The following EPB41 variants were observed in gnomAD, a reference collection of about 807,000 sequenced individuals.
EPB41 encodes protein 4.1.
EPB41 carries 65 observed loss-of-function variants against 108.0 expected under a neutral mutation model. That is an observed-to-expected ratio of 0.60 (90% CI 0.49 to 0.74). The LOEUF is 0.74. Ranked by LOEUF, EPB41 falls within the 30% of genes least tolerant of loss-of-function variation. EPB41 has a pLI of 0.00. For missense variants in EPB41, 875 were observed against 1,037.0 expected, an observed-to-expected ratio of 0.84 and a Z score of 2.15; for synonymous variants, 336 against 358.9, an observed-to-expected ratio of 0.94 and a Z score of 0.72.
At chr1:29,111,735 T>C (rs1574079786) in intron 18 of EPB41, among the ~76,000 whole-genome samples, 2 of 152,248 alleles carry the variant, frequency 1.3e-5, no homozygotes, top group East Asian at 3.9e-4. Flanking sequence ...TCCAAGCACT[T>C]TGGGAGGCTG....
Position 29,053,276 on chromosome 1 carries a change from T to C in EPB41, c.1809T>C (p.Pro603=). ...KAEVKKEDEP[P]EQAEPEPTEA... The stretch of plus-strand genomic sequence containing the variant: ...AAGTGAAAAAGGAAGACGAGCCACC[T>C]GAGCAAGCTGAGCCAGAGCCCACAG... The change falls in exon 12 of 21, where the codon CCT becomes CCC. Residue 603 remains proline (P), a synonymous_variant. Transcript: ENST00000343067. The C allele has an allele frequency of 6.2e-7, 1 of 1,614,178 alleles. No individual in the cohort carries two copies. Among genetic ancestry groups the C allele is most frequent in the Non-Finnish European group, 8.5e-7 (1 of 1,180,038 alleles).
intron 1 of EPB41, among the ~76,000 whole-genome samples, chr1:28,888,958 T>G (rs1021824464): frequency 4.2e-4 from 64 of 152,186 alleles, no homozygotes; most frequent in African/African-American, 1.5e-3. Flanking sequence ...AGGAGAAACT[T>G]TGCGCAAGGA....
chr1:28,919,022 G>T (rs1039829010), intron 1 of EPB41, among the ~76,000 whole-genome samples: 2 of 151,896 alleles, frequency 1.3e-5, no homozygotes, highest in African/African-American at 4.8e-5. Flanking sequence ...TACATAGAAA[G>T]ATAAAGAAGA....
At position 29,046,379 on chromosome 1, in the gene EPB41, G is replaced by A. The variant is rs566578344; in HGVS notation, c.1637-6725G>A. On this transcript the variant is annotated intron_variant, in intron 11 of 20. Transcript: ENST00000343067. ...CCTGACCTCGTGATCCACCCACCTC[G>A]GCCTCCCAAAGTGCTGGGATTACAA... Among the ~76,000 whole-genome samples the A allele has an allele frequency of 5.3e-5, 8 of 151,940 alleles. No homozygotes were observed. In the South Asian group the frequency reaches 8.3e-4, roughly 16 times the overall value.
chr1:28,961,914 G>A lies in EPB41; in HGVS notation c.-7-25517G>A, dbSNP rs148994659. On this transcript the variant is annotated intron_variant, in intron 1 of 20. Transcript: ENST00000343067. ...TCCTCTATATAGAAACCCATCATGG[G>A]TTTATAGCTTTTTTGGCAATAGTAA... Among the ~76,000 whole-genome samples, 3 of 151,952 alleles carry A rather than the reference G, an allele frequency of 2.0e-5. No homozygotes were observed. The East Asian group carries it at 5.8e-4, about 29-fold the overall frequency.
At chr1:29,007,256 T>G (rs1022208357) in intron 4 of EPB41, among the ~76,000 whole-genome samples, 2 of 152,300 alleles carry the variant, frequency 1.3e-5, no homozygotes, top group South Asian at 4.1e-4. Flanking sequence ...ATTGCTTGAC[T>G]ACACCACACT....
At chr1:28,963,665 C>A (rs1411689608) in intron 1 of EPB41, among the ~76,000 whole-genome samples, 2 of 152,176 alleles carry the variant, frequency 1.3e-5, no homozygotes, top group Admixed American at 6.5e-5. Context: ...ATTCTCAGAT[C>A]GTTCATGGCA....
At chr1:28,925,311 T>C (rs1218819212) in intron 1 of EPB41, among the ~76,000 whole-genome samples, 1 of 151,886 alleles carries the variant, frequency 6.6e-6, no homozygotes, top group African/African-American at 2.4e-5. Context: ...GGGGTCTCCA[T>C]ATGTTGCCCA....
At chr1:29,078,618 C>T (rs1392653479) in intron 16 of EPB41, among the ~76,000 whole-genome samples, 1 of 152,060 alleles carries the variant, frequency 6.6e-6, no homozygotes, top group Non-Finnish European at 1.5e-5. Context: ...GGCATGATGG[C>T]ATGCCTGTAG....
intron 1 of EPB41, among the ~76,000 whole-genome samples, chr1:28,925,683 G>A (rs1206401462): frequency 6.6e-6 from 1 of 152,156 alleles, no homozygotes; most frequent in African/African-American, 2.4e-5. Flanking sequence ...GGTTTGGTGT[G>A]TATGAGAAAC....
At chr1:28,962,858 G>A (rs1188263229) in intron 1 of EPB41, among the ~76,000 whole-genome samples, 1 of 152,046 alleles carries the variant, frequency 6.6e-6, no homozygotes, top group East Asian at 1.9e-4. Context: ...AGTTGGGTGT[G>A]GGGTTCTCTC....
chr1:28,920,025 T>A, intron 1 of EPB41, among the ~76,000 whole-genome samples: 1 of 152,034 alleles, frequency 6.6e-6, no homozygotes, highest in Non-Finnish European at 1.5e-5. Flanking sequence ...TCTCTGCTTG[T>A]GGAGATTAAA....
chr1:29,039,230 T>C (rs1227404725), intron 10 of EPB41, 24 bp from the exon 11 acceptor site: 2 of 1,607,484 alleles, frequency 1.2e-6, no homozygotes, highest in Admixed American at 1.7e-5. Context: ...TATAATAATA[T>C]GACTATTACG....
upstream of EPB41, among the ~76,000 whole-genome samples, chr1:28,913,517 A>C (rs568205218): frequency 5.1e-4 from 77 of 152,352 alleles, no homozygotes; most frequent in Non-Finnish European, 1.0e-3. Context: ...GAACCCAGGC[A>C]ATCTGTTTCC....
chr1:28,969,562 G>A (rs1479762034), intron 1 of EPB41, among the ~76,000 whole-genome samples: 4 of 151,342 alleles, frequency 2.6e-5, no homozygotes, highest in East Asian at 2.0e-4. Context: ...TCAGGAGATC[G>A]TGACCATCCT....
intron 4 of EPB41, among the ~76,000 whole-genome samples, chr1:29,010,215 T>C (rs572376198): frequency 4.4e-4 from 67 of 152,258 alleles, no homozygotes; most frequent in African/African-American, 1.5e-3. Flanking sequence ...GGTGGTTGCC[T>C]GTAATCCCAG....
In EPB41 at chr1:28,968,766, C is replaced by T. The variant is rs964009877; in HGVS notation, c.-7-18665C>T. Among the ~76,000 whole-genome samples the T allele has an allele frequency of 2.0e-5, 3 of 152,156 alleles. No homozygotes were observed. In the South Asian group the frequency reaches 6.2e-4, roughly 32 times the overall value. ...ATCACCTGACGCCAGAAGTTCGAGA[C>T]CAGCCTGGCCAACATGGTGAGACCC... On this transcript the variant is annotated intron_variant, in intron 1 of 20. Coordinates refer to ENST00000343067, the MANE Select transcript of EPB41 (RefSeq NM_001376013.1).
At chr1:28,941,825 C>T (rs188042566) in intron 1 of EPB41, among the ~76,000 whole-genome samples, 63 of 135,814 alleles carry the variant, frequency 4.6e-4, no homozygotes, top group African/African-American at 1.6e-3. Context: ...ACACAGGAGG[C>T]GGAGGTTGCA....
chr1:28,939,913 A>C (rs1451474727), intron 1 of EPB41, among the ~76,000 whole-genome samples: 8 of 152,192 alleles, frequency 5.3e-5, no homozygotes, highest in Admixed American at 5.2e-4. Context: ...CTCTGTGAAA[A>C]TGGCTTATTT....
Sources: allele counts gnomAD v4.1 joint callset (sites outside exome capture counted in the v4.1 genomes callset), GRCh38; gene constraint gnomAD v4.1.1; transcripts MANE v1.5; gene names NCBI Gene and HGNC (gene_info 2026-07-23, HGNC 2026-07-21).